Variants in GRB2 observed in about 807,000 individuals in gnomAD.
GRB2 encodes the protein growth factor receptor bound protein 2.
GRB2 carries 2 observed loss-of-function variants against 27.4 expected under a neutral mutation model. That is an observed-to-expected ratio of 0.07 (90% confidence interval 0.03 to 0.23). GRB2 has a LOEUF of 0.23. Ranked by LOEUF, GRB2 falls within the 10% of genes least tolerant of loss-of-function variation. The pLI, the probability that GRB2 is intolerant of heterozygous loss-of-function variation, is 1.00. For missense variants in GRB2, 102 were observed against 282.4 expected (o/e 0.36, Z 4.58); for synonymous variants, 94 against 99.6 (o/e 0.94, Z 0.33).
intron 2 of GRB2, among the ~76,000 whole-genome samples, chr17:75,337,208 T>C (rs2078583225): frequency 6.6e-6 from 1 of 152,140 alleles, no homozygotes; most frequent in Non-Finnish European, 1.5e-5. Context: ...AAACACAGGA[T>C]GAACAATGCA....
At chr17:75,394,031 A>G in intron 1 of GRB2, 2 of 227,040 alleles carry the variant, frequency 8.8e-6, no homozygotes, top group East Asian at 2.3e-4. Context: ...CTGGGTGTGC[A>G]CTGCGTGCAG....
chr17:75,383,474 A>C (rs991670503), intron 2 of GRB2, among the ~76,000 whole-genome samples: 16 of 152,154 alleles, frequency 1.1e-4, no homozygotes, highest in African/African-American at 3.9e-4. Flanking sequence ...CCTCTTATCA[A>C]TGCTGTGTAC....
In GRB2 at chr17:75,332,741, G is replaced by A. The variant is rs534348430; in HGVS notation, c.135C>T (p.Asp45=). ...NWYKAELNGK[D]GFIPKNYIEM... The stretch of plus-strand genomic sequence containing the variant: ...CTATGTAGTTCTTGGGAATGAAGCC[G>A]TCTTTTCCATTAAGCTCTGCCTTGT... The change falls in exon 3 of 6, where the codon GAC becomes GAT. Residue 45 remains aspartate, a synonymous_variant. Coordinates refer to ENST00000316804, the MANE Select transcript of GRB2 (RefSeq NM_002086.5). The A allele has an allele frequency of 3.0e-5, 48 of 1,611,400 alleles. No homozygotes were observed. The highest frequency in any genetic ancestry group is 1.2e-4 in the Admixed American group (7 of 59,824).
intron 2 of GRB2, among the ~76,000 whole-genome samples, chr17:75,382,646 G>A (rs1297090547): frequency 6.6e-6 from 1 of 152,150 alleles, no homozygotes; most frequent in Non-Finnish European, 1.5e-5. Flanking sequence ...GACCAAGGTG[G>A]GCTAAACTTT....
At chr17:75,328,794 C>T (rs944217522) in intron 3 of GRB2, among the ~76,000 whole-genome samples, 3 of 151,402 alleles carry the variant, frequency 2.0e-5, no homozygotes, top group Non-Finnish European at 4.4e-5. Flanking sequence ...AAAAATTAGC[C>T]AGGCGTGGTG....
intron 3 of GRB2, among the ~76,000 whole-genome samples, chr17:75,326,859 A>T (rs778956184): frequency 2.6e-5 from 4 of 152,194 alleles, no homozygotes; most frequent in Non-Finnish European, 5.9e-5. Flanking sequence ...ACTATTTCAA[A>T]TGAAAACTAT....
intron 2 of GRB2, among the ~76,000 whole-genome samples, chr17:75,363,100 C>A (rs1304925358): frequency 6.6e-6 from 1 of 152,112 alleles, no homozygotes; most frequent in East Asian, 1.9e-4. Flanking sequence ...ATAATCTATT[C>A]CTGTCACAAA....
chr17:75,329,891 CTATAGCATTT>C (rs2078527164), intron 3 of GRB2, among the ~76,000 whole-genome samples: 1 of 152,194 alleles, frequency 6.6e-6, no homozygotes, highest in Non-Finnish European at 1.5e-5. Flanking sequence ...TTCTACATTT[CTATAGCATTT>C]TATATCATTT....
At chr17:75,350,626 G>A (rs1036160245) in intron 2 of GRB2, among the ~76,000 whole-genome samples, 1 of 152,134 alleles carries the variant, frequency 6.6e-6, no homozygotes, top group African/African-American at 2.4e-5. Context: ...CAAATAGCTG[G>A]AACTACAGGC....
chr17:75,390,787 G>C (rs972437241), intron 2 of GRB2, among the ~76,000 whole-genome samples: 3 of 152,128 alleles, frequency 2.0e-5, no homozygotes, highest in Admixed American at 6.6e-5. Flanking sequence ...CTGAACTATA[G>C]ACAGAGGATG....
chr17:75,318,254 CA>C lies in GRB2; in HGVS notation c.*2113del, dbSNP rs2078429611. Reference sequence around the variant, plus strand: ...GATATACACCAATTCCAAAATAAAACAATCAAATGGTCCAGGTGTAGAATGC... The same window carrying C: ...GATATACACCAATTCCAAAATAAAACATCAAATGGTCCAGGTGTAGAATGC... On this transcript the variant is annotated 3_prime_UTR_variant, in exon 6 of 6. Transcript: ENST00000316804. The C allele has an allele frequency of 6.6e-6, 1 of 152,048 alleles. No individual in the cohort carries two copies. Among genetic ancestry groups the C allele is most frequent in the South Asian group, 2.1e-4 (1 of 4,830 alleles). The allele number at this position is 152,048 out of a possible 1,614,324, so 9.4% of individuals were successfully genotyped here. A position where few individuals can be genotyped will look rare whatever the true frequency, so the allele number is the denominator to read the frequency against.
intron 3 of GRB2, among the ~76,000 whole-genome samples, chr17:75,331,591 G>A (rs897375600): frequency 6.6e-6 from 1 of 152,214 alleles, no homozygotes; most frequent in Non-Finnish European, 1.5e-5. Context: ...GGGAACTGAA[G>A]TCGATGTTGT....
chr17:75,364,225 C>A lies in GRB2; in HGVS notation c.78+29326G>T, dbSNP rs116399198. ...GCCTCTACTAGTGAACTCAAACCAA[C>A]TGGGCTTAAATCGCCAGCCCATATC... is the stretch of plus-strand genomic sequence containing the variant. On this transcript the variant is annotated intron_variant, in intron 2 of 5. Coordinates refer to ENST00000316804, the MANE Select transcript of GRB2 (RefSeq NM_002086.5). 9.5e-3 allele frequency among the ~76,000 whole-genome samples: 1,441 copies of A among 152,284 alleles called. 27 individuals are homozygous for A. The highest frequency in any genetic ancestry group is 0.048 in the South Asian group (233 of 4,824).
At position 75,320,991 on chromosome 17, in the gene GRB2, C is replaced by T. The variant is rs1359314780; in HGVS notation, c.469-438G>A. On this transcript the variant is annotated intron_variant, in intron 5 of 5. Coordinates refer to ENST00000316804, the MANE Select transcript of GRB2 (RefSeq NM_002086.5). The surrounding 1 kb of genome is among the most constrained non-coding windows in gnomAD (Gnocchi z 4.3). ...CTAACCGTAACTTACGACCAGGGCT[C>T]GAGGGACAGGAACGGGTGCCGACCC... Among the ~76,000 whole-genome samples the T allele has an allele frequency of 6.6e-6, 1 of 151,964 alleles. No homozygotes were observed. The highest frequency in any genetic ancestry group is 1.5e-5 in the Non-Finnish European group (1 of 68,010).
chr17:75,384,036 G>T (rs990402653), intron 2 of GRB2, among the ~76,000 whole-genome samples: 3 of 152,114 alleles, frequency 2.0e-5, no homozygotes, highest in Non-Finnish European at 4.4e-5. Context: ...AGGATTCCAA[G>T]CAGGCAGGTC....
chr17:75,398,346 G>A (rs909505281), intron 1 of GRB2, among the ~76,000 whole-genome samples: 3 of 151,980 alleles, frequency 2.0e-5, no homozygotes, highest in African/African-American at 7.3e-5. Flanking sequence ...TTGGTTTACT[G>A]CAACCTCCGC....
intron 3 of GRB2, 110 bp from the exon 4 acceptor site, chr17:75,326,130 C>T (rs2145821084): frequency 8.1e-7 from 1 of 1,234,322 alleles, no homozygotes; most frequent in Non-Finnish European, 1.2e-6. Context: ...AAGGGGCCTC[C>T]CTCCTCATCC....
At position 75,376,894 on chromosome 17, in the gene GRB2, C is replaced by A. The variant is rs550464802; in HGVS notation, c.78+16657G>T. ...AACTAGTTGGGCATGGTGGTGGATA[C>A]CTGTAGTTCCAGAGACTAGGGTGGG... On this transcript the variant is annotated intron_variant, in intron 2 of 5. Coordinates refer to ENST00000316804, the MANE Select transcript of GRB2 (RefSeq NM_002086.5). 1.4e-4 allele frequency among the ~76,000 whole-genome samples: 21 copies of A among 151,986 alleles called. No individual in the cohort carries two copies. The South Asian group carries it at 4.2e-3, about 30-fold the overall frequency.
intron 2 of GRB2, among the ~76,000 whole-genome samples, chr17:75,349,750 C>A (rs974553616): frequency 2.6e-5 from 4 of 151,886 alleles, no homozygotes; most frequent in African/African-American, 9.7e-5. Context: ...GAACTCCTGA[C>A]CTCAGGTGAT....
Sources: allele counts gnomAD v4.1 joint callset (sites outside exome capture counted in the v4.1 genomes callset), GRCh38; gene constraint gnomAD v4.1.1; non-coding constraint Gnocchi (gnomAD v3.1); transcripts MANE v1.5; gene names NCBI Gene and HGNC (gene_info 2026-07-23, HGNC 2026-07-21).